Variants in SKI observed in about 807,000 individuals in gnomAD.
SKI encodes ski oncogene.
In SKI, 23 loss-of-function variants were observed where a neutral mutation model predicts 59.3. The ratio of observed to expected loss-of-function variants is 0.39; its 90% CI spans 0.28 to 0.55. The LOEUF is 0.55. Ranked by LOEUF, SKI falls within the 20% of genes least tolerant of loss-of-function variation. SKI has a pLI of 0.67. For synonymous variants in SKI, 673 were observed against 488.6 expected (o/e 1.38, Z -4.98); for missense variants, 1,017 against 1,038.9 (o/e 0.98, Z 0.29).
chr1:2,273,479 C>T (rs748266617), intron 1 of SKI, among the ~76,000 whole-genome samples: 1 of 152,124 alleles, frequency 6.6e-6, no homozygotes, highest in Admixed American at 6.5e-5. Context: ...GCTGCCATGC[C>T]TCATTCTGTC....
chr1:2,242,275 A>G (rs1410861907), intron 1 of SKI, among the ~76,000 whole-genome samples: 1 of 152,208 alleles, frequency 6.6e-6, no homozygotes, highest in Non-Finnish European at 1.5e-5. Flanking sequence ...TGCTCATCAA[A>G]GAACCCCAGA....
intron 1 of SKI, among the ~76,000 whole-genome samples, chr1:2,293,735 C>T (rs961012909): frequency 5.3e-5 from 8 of 152,228 alleles, no homozygotes; most frequent in Middle Eastern, 3.2e-3. Flanking sequence ...TGCAAGGCCC[C>T]TGGGTCTGGT....
chr1:2,273,072 A>G (rs937335226), intron 1 of SKI, among the ~76,000 whole-genome samples: 3 of 152,232 alleles, frequency 2.0e-5, no homozygotes, highest in Admixed American at 2.0e-4. Flanking sequence ...CAGATGCCAC[A>G]CGGCTCTTCC....
intron 1 of SKI, among the ~76,000 whole-genome samples, chr1:2,247,133 C>A (rs760045704): frequency 6.6e-6 from 1 of 152,220 alleles, no homozygotes; most frequent in East Asian, 1.9e-4. Flanking sequence ...GCAGGAGAAT[C>A]ACTTGAACCT....
At chr1:2,301,509 G>A (rs894933578) in intron 1 of SKI, among the ~76,000 whole-genome samples, 3 of 152,060 alleles carry the variant, frequency 2.0e-5, no homozygotes, top group Non-Finnish European at 4.4e-5. Context: ...AGGGCTGCAG[G>A]GTGGGTGCAC....
intron 1 of SKI, chr1:2,240,573 C>T: frequency 1.0e-6 from 1 of 985,380 alleles, no homozygotes; most frequent in Non-Finnish European, 1.2e-6. Flanking sequence ...TCGAGGCTCC[C>T]AGAAGAAGAA....
chr1:2,290,419 C>T (rs894141218), intron 1 of SKI, among the ~76,000 whole-genome samples: 2 of 152,210 alleles, frequency 1.3e-5, no homozygotes, highest in African/African-American at 4.8e-5. Context: ...ACTGCTCAGC[C>T]TGAGCACCTC....
intron 1 of SKI, among the ~76,000 whole-genome samples, chr1:2,259,150 C>T (rs1020945299): frequency 6.6e-6 from 1 of 152,204 alleles, no homozygotes; most frequent in Non-Finnish European, 1.5e-5. Context: ...CCCCTGCCTC[C>T]TTTTGTGGGT....
intron 1 of SKI, among the ~76,000 whole-genome samples, chr1:2,272,431 T>C (rs1037176178): frequency 6.6e-6 from 1 of 151,918 alleles, no homozygotes; most frequent in African/African-American, 2.4e-5. Flanking sequence ...CGCTGGGGGG[T>C]TGGGGAGACG....
chr1:2,285,638 C>A (rs949570337), intron 1 of SKI, among the ~76,000 whole-genome samples: 1 of 150,818 alleles, frequency 6.6e-6, no homozygotes, highest in Admixed American at 6.6e-5. Context: ...GATCTCAGCT[C>A]ACTACAACCT....
intron 1 of SKI, among the ~76,000 whole-genome samples, chr1:2,277,292 GTTTGGCTGTGTCCCCACCCAAA>G (rs1404617987): frequency 6.6e-6 from 1 of 152,116 alleles, no homozygotes; most frequent in Admixed American, 6.6e-5. Flanking sequence ...CGGTGATATG[GTTTGGCTGTGTCCCCACCCAAA>G]TCTCAACTTG....
At chr1:2,246,886 C>G (rs1024782165) in intron 1 of SKI, among the ~76,000 whole-genome samples, 3 of 152,154 alleles carry the variant, frequency 2.0e-5, no homozygotes, top group African/African-American at 7.2e-5. Flanking sequence ...ACCTCGCCCA[C>G]TGTGGCCAGG....
intron 1 of SKI, among the ~76,000 whole-genome samples, chr1:2,273,318 C>T (rs984261736): frequency 2.6e-5 from 4 of 151,828 alleles, no homozygotes; most frequent in Non-Finnish European, 5.9e-5. Flanking sequence ...TCCTTCCCGC[C>T]AGTGCCGGAG....
Position 2,303,519 on chromosome 1 carries a change from G to A in SKI, c.1211+119G>A, listed in dbSNP as rs1393190782. On this transcript the variant is annotated intron_variant, in intron 3 of 6. Coordinates refer to ENST00000378536, the MANE Select transcript of SKI (RefSeq NM_003036.4). The surrounding 1 kb of genome is among the most constrained non-coding windows in gnomAD (Gnocchi z 5.6). ...GCCCAGACCTGCCGCCTTTTGGTCA[G>A]GGCAGTCTCGGTGTTGGTTCCTTTG... is the stretch of plus-strand genomic sequence containing the variant. 1.0e-5 allele frequency: 9 copies of A among 887,324 alleles called. No individual in the cohort carries two copies. The highest frequency in any genetic ancestry group is 1.6e-5 in the Non-Finnish European group (9 of 567,442). 55.0% of individuals were successfully genotyped at this position (887,324 alleles called of 1,614,324 possible).
intron 1 of SKI, among the ~76,000 whole-genome samples, chr1:2,291,693 G>C (rs535692338): frequency 2.0e-5 from 1 of 49,936 alleles, no homozygotes; most frequent in East Asian, 5.6e-4. Context: ...ATGCCCCTTG[G>C]CTCTGGCATT....
chr1:2,273,644 G>A (rs777945980), intron 1 of SKI, among the ~76,000 whole-genome samples: 22 of 152,178 alleles, frequency 1.4e-4, no homozygotes, highest in Middle Eastern at 3.2e-3. Flanking sequence ...GAACATCCAC[G>A]GAGAAGTGTG....
At chr1:2,246,880 C>T (rs996964181) in intron 1 of SKI, among the ~76,000 whole-genome samples, 8 of 152,232 alleles carry the variant, frequency 5.3e-5, no homozygotes, top group African/African-American at 1.2e-4. Flanking sequence ...ACCTCCACCT[C>T]GCCCACTGTG....
rs78727995 is a variant in SKI, at chr1:2,239,010, C to T, written c.969+9275C>T. 3.8e-3 allele frequency among the ~76,000 whole-genome samples: 572 copies of T among 152,262 alleles called. 1 individual carries two copies. The highest frequency in any genetic ancestry group is 0.013 in the African/African-American group (532 of 41,550). On this transcript the variant is annotated intron_variant, in intron 1 of 6. Transcript: ENST00000378536. ...GTCCCTGGCCACCTGCCTGGTGCTC[C>T]GGGTTGTGCCGTTGGCAGTGCCTTC...
intron 1 of SKI, among the ~76,000 whole-genome samples, chr1:2,293,605 C>T (rs1640216358): frequency 6.6e-6 from 1 of 152,216 alleles, no homozygotes; most frequent in Admixed American, 6.5e-5. Flanking sequence ...CATCTGGTAT[C>T]TCCCTGGTGT....
Sources: gnomAD v4.1 joint callset for allele counts (sites outside exome capture counted in the v4.1 genomes callset) on GRCh38, gnomAD v4.1.1 for gene constraint, Gnocchi (gnomAD v3.1) non-coding constraint, MANE v1.5 for transcripts, NCBI Gene and HGNC (gene_info 2026-07-23, HGNC 2026-07-21) for gene names.